Variants in SETBP1 observed in about 807,000 individuals in gnomAD.
SETBP1 encodes SET-binding protein.
In SETBP1, 9 loss-of-function variants were observed where a neutral mutation model predicts 101.0. The observed-to-expected ratio is 0.09, with a 90% confidence interval of 0.05 to 0.16. The LOEUF (loss-of-function observed/expected upper bound fraction) is 0.16, where lower values mean the gene tolerates loss of function less well. SETBP1 is among the 10% of genes least tolerant of loss of function. The probability of loss-of-function intolerance (pLI) is 1.00; values close to 1 mark genes in which losing one functional copy is unlikely to be tolerated. For missense variants in SETBP1, 1,858 were observed against 2,033.8 expected (o/e 0.91, Z 1.66); for synonymous variants, 818 against 788.5 (o/e 1.04, Z -0.63).
At chr18:44,987,600 A>T (rs1430415476) in intron 4 of SETBP1, 1 of 152,244 alleles carries the variant, frequency 6.6e-6, no homozygotes, top group Non-Finnish European at 1.5e-5. Flanking sequence ...GGAGGTCAAG[A>T]TGGGTAATGT....
chr18:44,792,577 C>A (rs560988331), intron 2 of SETBP1, among the ~76,000 whole-genome samples: 17 of 152,306 alleles, frequency 1.1e-4, no homozygotes, highest in Middle Eastern at 3.4e-3. Flanking sequence ...GCCTGGAGTA[C>A]CTGGACCGGA....
chr18:44,818,252 G>A (rs2072026284), intron 2 of SETBP1, among the ~76,000 whole-genome samples: 1 of 152,076 alleles, frequency 6.6e-6, no homozygotes, highest in South Asian at 2.1e-4. Flanking sequence ...TTTTTCACAT[G>A]CAGAAAGGAA....
At chr18:44,922,945 G>A (rs1462669955) in intron 3 of SETBP1, among the ~76,000 whole-genome samples, 5 of 152,140 alleles carry the variant, frequency 3.3e-5, no homozygotes, top group African/African-American at 1.2e-4. Context: ...GACCACTCTG[G>A]GAGATAACTA....
chr18:44,953,159 G>A lies in SETBP1; in HGVS notation c.3819G>A (p.Thr1273=), dbSNP rs764859310. The A allele has an allele frequency of 2.0e-5, 33 of 1,613,940 alleles. No homozygotes were observed. Among genetic ancestry groups the A allele is most frequent in the African/African-American group, 1.6e-4 (12 of 74,912 alleles). ...YSGSGGDGGS[T]RSENLDVFSE... is the part of the protein sequence containing the mutation. The stretch of plus-strand genomic sequence containing the variant: ...GCAGTGGCGGGGATGGTGGCAGCAC[G>A]AGATCAGAGAACCTGGACGTGTTCA... Residue 1273 remains threonine, a synonymous_variant, in exon 4 of 6, where the codon ACG becomes ACA. Coordinates refer to ENST00000649279, the MANE Select transcript of SETBP1 (RefSeq NM_015559.3).
At position 44,953,178 on chromosome 18, in the gene SETBP1, G is replaced by A. The variant is rs755003311; in HGVS notation, c.3838G>A (p.Val1280Met). 48 of 1,613,988 alleles carry A rather than the reference G, an allele frequency of 3.0e-5. No homozygotes were observed. The highest frequency in any genetic ancestry group is 3.5e-5 in the Non-Finnish European group (41 of 1,180,040). ...CAGCACGAGATCAGAGAACCTGGAC[G>A]TGTTCAGTGAAATGAACCCTTCGAA... ...GGSTRSENLD[V>M]FSEMNPSNDK... is the part of the protein sequence containing the mutation. Residue 1280 changes from valine (V) to methionine (M), a missense_variant, in exon 4 of 6, where the codon GTG becomes ATG. Coordinates refer to ENST00000649279, the MANE Select transcript of SETBP1 (RefSeq NM_015559.3).
intron 3 of SETBP1, among the ~76,000 whole-genome samples, chr18:44,894,115 A>G (rs911216975): frequency 6.6e-5 from 10 of 152,086 alleles, no homozygotes; most frequent in African/African-American, 2.2e-4. Context: ...AAGCTATTCC[A>G]ATTTCATTTG....
At chr18:44,850,634 G>T (rs1451245117) in intron 2 of SETBP1, among the ~76,000 whole-genome samples, 2 of 152,058 alleles carry the variant, frequency 1.3e-5, no homozygotes, top group Admixed American at 6.5e-5. Context: ...GCCTCCCAAA[G>T]TGCTGGAATT....
chr18:45,035,768 A>G (rs921019303), intron 4 of SETBP1, among the ~76,000 whole-genome samples: 1 of 152,220 alleles, frequency 6.6e-6, no homozygotes, highest in Non-Finnish European at 1.5e-5. Flanking sequence ...CTGACCGCTT[A>G]TATTTCCTGA....
chr18:44,723,455 T>C (rs2069642412), intron 2 of SETBP1, among the ~76,000 whole-genome samples: 1 of 152,198 alleles, frequency 6.6e-6, no homozygotes, highest in Admixed American at 6.5e-5. Context: ...AGATCAGTGA[T>C]GTCTCGTGAT....
In SETBP1 at chr18:45,063,629, C is replaced by T. The variant is rs1167649762; in HGVS notation, c.4722C>T (p.Pro1574=). The T allele has an allele frequency of 1.7e-5, 28 of 1,604,178 alleles. No homozygotes were observed. Among genetic ancestry groups the T allele is most frequent in the Non-Finnish European group, 2.4e-5 (28 of 1,175,582 alleles). Reference sequence around the variant, plus strand: ...AGTCGCCCCCGCAGCAGCCCCTTCCCCAGGAAGAGGAGGTGAAAGCCAAAA... The same window carrying T: ...AGTCGCCCCCGCAGCAGCCCCTTCCTCAGGAAGAGGAGGTGAAAGCCAAAA... ...PQQSPPQQPL[P]QEEEVKAKRQ... The change falls in exon 6 of 6, where the codon CCC becomes CCT. Residue 1574 remains proline (P), a synonymous_variant. Transcript: ENST00000649279.
chr18:44,828,597 G>A (rs1024350299), intron 2 of SETBP1, among the ~76,000 whole-genome samples: 1 of 152,214 alleles, frequency 6.6e-6, no homozygotes, highest in Admixed American at 6.5e-5. Context: ...GGGGGTGGAT[G>A]ATGGAAGGAG....
chr18:44,919,694 C>A (rs945255534), intron 3 of SETBP1, among the ~76,000 whole-genome samples: 1 of 151,438 alleles, frequency 6.6e-6, no homozygotes, highest in African/African-American at 2.4e-5. Flanking sequence ...TCTGGTTTTT[C>A]CTTAATAATC....
intron 2 of SETBP1, among the ~76,000 whole-genome samples, chr18:44,729,803 A>G (rs1179488136): frequency 1.3e-5 from 2 of 152,194 alleles, no homozygotes; most frequent in African/African-American, 4.8e-5. Flanking sequence ...GGCAGAAAAA[A>G]AAAGTGTTTG....
chr18:44,822,354 T>C (rs534882890), intron 2 of SETBP1, among the ~76,000 whole-genome samples: 1 of 152,348 alleles, frequency 6.6e-6, no homozygotes, highest in East Asian at 1.9e-4. Context: ...TCCCCTTCTT[T>C]ATTTTTCATA....
At chr18:45,028,535 A>G (rs2145448912) in intron 4 of SETBP1, among the ~76,000 whole-genome samples, 1 of 152,256 alleles carries the variant, frequency 6.6e-6, no homozygotes, top group Non-Finnish European at 1.5e-5. Context: ...CAGTAATGGG[A>G]TGGCTGGGTC....
intron 4 of SETBP1, among the ~76,000 whole-genome samples, chr18:44,996,903 A>G (rs1428564653): frequency 6.6e-6 from 1 of 151,982 alleles, no homozygotes; most frequent in Non-Finnish European, 1.5e-5. Context: ...AATAATGGAC[A>G]CTCCTGTGCA....
intron 2 of SETBP1, among the ~76,000 whole-genome samples, chr18:44,774,687 T>C (rs1276071387): frequency 2.0e-5 from 3 of 152,174 alleles, no homozygotes; most frequent in African/African-American, 7.2e-5. Context: ...CTAACTCTTC[T>C]ACAGACACTC....
chr18:44,719,760 C>T (rs1307426065), intron 2 of SETBP1, among the ~76,000 whole-genome samples: 2 of 152,168 alleles, frequency 1.3e-5, no homozygotes, highest in Non-Finnish European at 2.9e-5. Flanking sequence ...TCTGGCTGGG[C>T]CCTGATTGCA....
chr18:44,774,393 G>T (rs1568136558), intron 2 of SETBP1, among the ~76,000 whole-genome samples: 2 of 151,944 alleles, frequency 1.3e-5, no homozygotes, highest in African/African-American at 4.8e-5. Flanking sequence ...GTGTGTGTGG[G>T]TGTGAGTGTG....
Sources: gnomAD v4.1 joint callset for allele counts (sites outside exome capture counted in the v4.1 genomes callset) on GRCh38, gnomAD v4.1.1 for gene constraint, MANE v1.5 for transcripts, NCBI Gene and HGNC (gene_info 2026-07-23, HGNC 2026-07-21) for gene names.